Variants in KIF26B observed in about 807,000 individuals in gnomAD.
KIF26B encodes the protein kinesin family member 26B, also known as kinesin-like protein KIF26B.
KIF26B carries 63 observed loss-of-function variants against 151.2 expected under a neutral mutation model. The observed-to-expected ratio is 0.42, with a 90% confidence interval of 0.34 to 0.51. KIF26B has a LOEUF of 0.51. KIF26B is among the 20% of genes least tolerant of loss of function. KIF26B has a pLI of 0.07. For missense variants in KIF26B, 2,813 were observed against 2,913.6 expected (o/e 0.97, Z 0.79); for synonymous variants, 1,357 against 1,262.1 (o/e 1.08, Z -1.59).
chr1:245,588,988 ACTCC>A (rs1394369875), intron 5 of KIF26B, among the ~76,000 whole-genome samples: 1 of 151,878 alleles, frequency 6.6e-6, no homozygotes, highest in Non-Finnish European at 1.5e-5. Flanking sequence ...CCTCCTTCTG[ACTCC>A]CTCTTCTCCC....
At position 245,686,081 on chromosome 1, in the gene KIF26B, G is replaced by T. The variant is rs777984836; in HGVS notation, c.3098G>T (p.Ser1033Ile). 6 of 1,601,968 alleles carry T rather than the reference G, an allele frequency of 3.7e-6. No individual in the cohort carries two copies. The highest frequency in any genetic ancestry group is 5.1e-6 in the Non-Finnish European group (6 of 1,174,928). ...GTCCCGGGCAGCAGTAGCCAGCACA[G>T]CGCCTCCCCACTCGTGCAGAGCCCC... is the stretch of plus-strand genomic sequence containing the variant. ...RSVPGSSSQH[S>I]ASPLVQSPSL... The change falls in exon 12 of 15, where the codon AGC (serine) becomes ATC (isoleucine). Residue 1033 changes from serine to isoleucine, a missense_variant. Coordinates refer to ENST00000407071, the MANE Select transcript of KIF26B (RefSeq NM_018012.4). This position sits in a 1 kb window ranked among gnomAD's most constrained non-coding sequence, Gnocchi z 5.6.
At chr1:245,397,301 C>T (rs1164807456) in intron 3 of KIF26B, among the ~76,000 whole-genome samples, 1 of 151,742 alleles carries the variant, frequency 6.6e-6, no homozygotes, top group Non-Finnish European at 1.5e-5. Flanking sequence ...CCGCATCCTC[C>T]ACTTCCTGGG....
At chr1:245,168,860 G>A (rs189472847) in intron 2 of KIF26B, among the ~76,000 whole-genome samples, 12 of 152,266 alleles carry the variant, frequency 7.9e-5, no homozygotes, top group Non-Finnish European at 1.8e-4. Flanking sequence ...CTGAGTCAAC[G>A]AGGCCCATGC....
chr1:245,566,999 C>T (rs145566415), intron 5 of KIF26B, among the ~76,000 whole-genome samples: 27 of 152,274 alleles, frequency 1.8e-4, no homozygotes, highest in African/African-American at 5.8e-4. Flanking sequence ...GCCAAAAGCA[C>T]GGGCTTAAAC....
At chr1:245,442,726 C>T (rs1205190636) in intron 4 of KIF26B, among the ~76,000 whole-genome samples, 1 of 149,844 alleles carries the variant, frequency 6.7e-6, no homozygotes, top group Admixed American at 6.7e-5. Context: ...CACTGTTCAC[C>T]TAGAGCTGTC....
In KIF26B at chr1:245,367,807, T is replaced by A. The variant is rs928410069; in HGVS notation, c.999+440T>A. On this transcript the variant is annotated intron_variant, in intron 3 of 14. Coordinates refer to ENST00000407071, the MANE Select transcript of KIF26B (RefSeq NM_018012.4). This position sits in a 1 kb window ranked among gnomAD's most constrained non-coding sequence, Gnocchi z 4.2. ...GGGTTTGCCCTGTCTTAGGCTCAAGTCCCTCATTTATAAATGGATGTGAGT... is the reference window on the plus strand; with the variant it reads ...GGGTTTGCCCTGTCTTAGGCTCAAGACCCTCATTTATAAATGGATGTGAGT... Among the ~76,000 whole-genome samples the A allele has an allele frequency of 6.6e-6, 1 of 152,244 alleles. No homozygotes were observed. Among genetic ancestry groups the A allele is most frequent in the Non-Finnish European group, 1.5e-5 (1 of 68,038 alleles).
chr1:245,655,762 C>T (rs1020070281), intron 10 of KIF26B, among the ~76,000 whole-genome samples: 4 of 152,164 alleles, frequency 2.6e-5, no homozygotes, highest in African/African-American at 9.7e-5. Flanking sequence ...GCTGCACAGC[C>T]GGAGAGGTGG....
intron 10 of KIF26B, among the ~76,000 whole-genome samples, chr1:245,683,314 C>T (rs2044464320): frequency 6.9e-6 from 1 of 144,888 alleles, no homozygotes; most frequent in Non-Finnish European, 1.6e-5. Flanking sequence ...AATAGGCTTC[C>T]TCAGCCCTTC....
intron 10 of KIF26B, among the ~76,000 whole-genome samples, chr1:245,665,580 A>G (rs2044203547): frequency 6.6e-6 from 1 of 152,238 alleles, no homozygotes; most frequent in South Asian, 2.1e-4. Context: ...ACACATTTCA[A>G]AAACTATAGC....
At chr1:245,541,810 A>G (rs1271625282) in intron 5 of KIF26B, among the ~76,000 whole-genome samples, 1 of 151,996 alleles carries the variant, frequency 6.6e-6, no homozygotes, top group East Asian at 1.9e-4. Context: ...GGGGATTTAG[A>G]TTTTACTTGT....
chr1:245,365,685 A>G (rs1362359978), intron 2 of KIF26B, among the ~76,000 whole-genome samples: 1 of 151,998 alleles, frequency 6.6e-6, no homozygotes. Context: ...TGAGCCCCCA[A>G]ATGGCGTAGT....
At chr1:245,514,710 G>A (rs1181695887) in intron 4 of KIF26B, among the ~76,000 whole-genome samples, 1 of 152,144 alleles carries the variant, frequency 6.6e-6, no homozygotes, top group Non-Finnish European at 1.5e-5. Context: ...CTTCCTCTAG[G>A]AGTCAGTGGA....
chr1:245,349,921 G>A (rs1353456717), intron 2 of KIF26B, among the ~76,000 whole-genome samples: 1 of 152,084 alleles, frequency 6.6e-6, no homozygotes, highest in Non-Finnish European at 1.5e-5. Context: ...GTAAGGAATT[G>A]CACCTAAAAC....
intron 2 of KIF26B, chr1:245,282,915 G>A: frequency 3.2e-6 from 1 of 311,988 alleles, no homozygotes; most frequent in Non-Finnish European, 6.6e-6. Flanking sequence ...TTCCCATTTT[G>A]TCATTTTGGG....
chr1:245,398,976 G>T (rs1673928269), intron 3 of KIF26B, among the ~76,000 whole-genome samples: 1 of 152,076 alleles, frequency 6.6e-6, no homozygotes, highest in African/African-American at 2.4e-5. Context: ...TGGGAAATGA[G>T]ATATGCTGTC....
chr1:245,633,826 T>A (rs929582903), intron 9 of KIF26B, among the ~76,000 whole-genome samples: 13 of 152,326 alleles, frequency 8.5e-5, no homozygotes, highest in Non-Finnish European at 1.5e-4. Flanking sequence ...TTTTTAATTT[T>A]TTTTGAGTTG....
At chr1:245,206,408 T>C (rs1669407224) in intron 2 of KIF26B, 1 of 152,228 alleles carries the variant, frequency 6.6e-6, no homozygotes, top group Non-Finnish European at 1.5e-5. Flanking sequence ...ATGCCTTAAA[T>C]TGATTTTCCT....
chr1:245,442,958 CTAGAGCGGTCAT>C (rs1659148110), intron 4 of KIF26B, among the ~76,000 whole-genome samples: 1 of 71,524 alleles, frequency 1.4e-5, no homozygotes, highest in Non-Finnish European at 2.6e-5. Flanking sequence ...CACTGTTCAC[CTAGAGCGGTCAT>C]CTCCCTCACT....
chr1:245,344,159 TC>T (rs1459007488), intron 2 of KIF26B, among the ~76,000 whole-genome samples: 3 of 150,798 alleles, frequency 2.0e-5, no homozygotes, highest in Non-Finnish European at 1.5e-5. Flanking sequence ...TGTCTCTCCT[TC>T]CCCCTCCCTG....
Sources: allele counts gnomAD v4.1 joint callset (sites outside exome capture counted in the v4.1 genomes callset), GRCh38; gene constraint gnomAD v4.1.1; non-coding constraint Gnocchi (gnomAD v3.1); transcripts MANE v1.5; gene names NCBI Gene and HGNC (gene_info 2026-07-23, HGNC 2026-07-21).